UTRN: variants seen among roughly 807,000 people sequenced by gnomAD.
UTRN encodes the protein utrophin.
UTRN carries 283 observed loss-of-function variants against 463.9 expected under a neutral mutation model. The ratio of observed to expected loss-of-function variants is 0.61; its 90% CI spans 0.55 to 0.67. The LOEUF is 0.67. UTRN is among the 30% of genes least tolerant of loss of function. The pLI is 0.00. For synonymous variants in UTRN, 1,442 were observed against 1,431.5 expected (o/e 1.01, Z -0.17); for missense variants, 3,922 against 4,084.3 (o/e 0.96, Z 1.08).
chr6:144,509,731 T>TA (rs2128589812), intron 34 of UTRN, among the ~76,000 whole-genome samples: 1 of 152,300 alleles, frequency 6.6e-6, no homozygotes, highest in East Asian at 1.9e-4. Flanking sequence ...AAATAAATAA[T>TA]ATTTTCATTT....
chr6:144,514,148 A>T, intron 36 of UTRN, 111 bp downstream of exon 36: 2 of 1,392,254 alleles, frequency 1.4e-6, no homozygotes, highest in Non-Finnish European at 2.0e-6. Context: ...CAAGCATTAG[A>T]TTCATTAACA....
At chr6:144,389,239 C>A (rs999159498) in intron 2 of UTRN, among the ~76,000 whole-genome samples, 1 of 152,196 alleles carries the variant, frequency 6.6e-6, no homozygotes, top group Non-Finnish European at 1.5e-5. Context: ...ATCTGATTAG[C>A]CTCTCCGAAG....
At chr6:144,449,931 T>G (rs1788086203) in intron 17 of UTRN, among the ~76,000 whole-genome samples, 1 of 152,128 alleles carries the variant, frequency 6.6e-6, no homozygotes. Context: ...AGTGTATACT[T>G]TTTAGGGTGC....
chr6:144,815,500 A>G (rs1166513188), intron 65 of UTRN, among the ~76,000 whole-genome samples: 1 of 152,236 alleles, frequency 6.6e-6, no homozygotes, highest in African/African-American at 2.4e-5. Context: ...TCAAAAGTAG[A>G]GAAGCCGACA....
chr6:144,759,152 T>C (rs1015671466), intron 58 of UTRN, among the ~76,000 whole-genome samples: 1 of 152,086 alleles, frequency 6.6e-6, no homozygotes, highest in African/African-American at 2.4e-5. Flanking sequence ...TATGGGAGTT[T>C]AATATTTTTA....
intron 41 of UTRN, among the ~76,000 whole-genome samples, chr6:144,525,531 C>T (rs1796494074): frequency 6.6e-6 from 1 of 152,064 alleles, no homozygotes; most frequent in Non-Finnish European, 1.5e-5. Context: ...TGTAATATCA[C>T]CCATTTTGTT....
chr6:144,805,529 AG>A (rs1778073824), intron 65 of UTRN, among the ~76,000 whole-genome samples: 1 of 152,182 alleles, frequency 6.6e-6, no homozygotes, highest in Non-Finnish European at 1.5e-5. Context: ...GTTGGGAAAA[AG>A]GTTAGCGTGA....
intron 53 of UTRN, among the ~76,000 whole-genome samples, chr6:144,723,601 A>G (rs1378535548): frequency 2.6e-5 from 4 of 152,230 alleles, no homozygotes; most frequent in Admixed American, 6.5e-5. Context: ...AGGAATAGGA[A>G]GTGCTCTAGA....
chr6:144,288,577 C>T (rs544657671), intron 1 of UTRN, among the ~76,000 whole-genome samples: 3 of 149,742 alleles, frequency 2.0e-5, no homozygotes, highest in African/African-American at 5.1e-5. Flanking sequence ...ATAAAATACA[C>T]TTAAGAATTT....
At chr6:144,472,312 CTT>C (rs760604326) in intron 23 of UTRN, among the ~76,000 whole-genome samples, 115 of 134,798 alleles carry the variant, frequency 8.5e-4, no homozygotes, top group Admixed American at 9.0e-4. Flanking sequence ...ACTTTCTTTT[CTT>C]TTTTTTTTTT....
chr6:144,499,425 A>G lies in UTRN; in HGVS notation c.4762A>G (p.Lys1588Glu), dbSNP rs773717411. 4 of 1,605,616 alleles carry G rather than the reference A, an allele frequency of 2.5e-6. No individual in the cohort carries two copies. Among genetic ancestry groups the G allele is most frequent in the African/African-American group, 2.7e-5 (2 of 74,796 alleles). ...GDLDTEISWA[K>E]NVLKDLEKRK... Reference sequence around the variant, plus strand: ...CTTGGATACAGAAATTTCCTGGGCTAAAGTAAGTTGCAGTTCAGATGAAAC... The same window carrying G: ...CTTGGATACAGAAATTTCCTGGGCTGAAGTAAGTTGCAGTTCAGATGAAAC... Residue 1588 changes from lysine (K) to glutamate (E), a missense_variant and splice_region_variant, in exon 34 of 75, where the codon AAA (lysine) becomes GAA (glutamate). Physicochemically the swap from Lys to Glu is moderately conservative, Grantham distance 56. Around this residue, in one of 3 missense-constraint regions of UTRN, gnomAD observed 2,349 missense variants for 2,303.8 expected, o/e 1.02. Coordinates refer to ENST00000367545, the MANE Select transcript of UTRN (RefSeq NM_007124.3).
intron 16 of UTRN, among the ~76,000 whole-genome samples, chr6:144,448,327 T>C (rs944946432): frequency 3.3e-5 from 5 of 152,170 alleles, no homozygotes; most frequent in Non-Finnish European, 7.4e-5. Flanking sequence ...TCATAGGAAA[T>C]GTCCACAAGG....
chr6:144,813,359 T>C (rs1291578818), intron 65 of UTRN, among the ~76,000 whole-genome samples: 1 of 152,032 alleles, frequency 6.6e-6, no homozygotes, highest in East Asian at 1.9e-4. Flanking sequence ...CAGCTAATTT[T>C]TGCATTTTTA....
At chr6:144,323,530 T>C (rs1033464273) in intron 2 of UTRN, among the ~76,000 whole-genome samples, 8 of 152,254 alleles carry the variant, frequency 5.3e-5, no homozygotes, top group African/African-American at 1.9e-4. Flanking sequence ...ACAACATTAA[T>C]ATTTATTTTG....
chr6:144,598,031 A>G (rs1396119645), intron 51 of UTRN, among the ~76,000 whole-genome samples: 2 of 152,222 alleles, frequency 1.3e-5, no homozygotes, highest in Non-Finnish European at 2.9e-5. Flanking sequence ...TGAAAATTAT[A>G]TGGAACAACA....
chr6:144,294,657 G>A (rs75708806), intron 2 of UTRN, among the ~76,000 whole-genome samples: 1,779 of 152,112 alleles, frequency 0.012, 37 homozygotes, highest in African/African-American at 0.041. Flanking sequence ...CCAAATCCTC[G>A]AGTTTGGACA....
intron 65 of UTRN, among the ~76,000 whole-genome samples, chr6:144,809,305 C>T (rs1778409752): frequency 6.6e-6 from 1 of 152,116 alleles, no homozygotes; most frequent in Non-Finnish European, 1.5e-5. Context: ...CACTAGAGTG[C>T]AGCTGAGGTT....
At chr6:144,792,623 CAATA>C (rs1319775657) in intron 62 of UTRN, among the ~76,000 whole-genome samples, 2 of 151,776 alleles carry the variant, frequency 1.3e-5, no homozygotes, top group African/African-American at 4.8e-5. Flanking sequence ...TTTTAGAATC[CAATA>C]AATATTTACT....
intron 6 of UTRN, among the ~76,000 whole-genome samples, chr6:144,425,992 T>C (rs1015046647): frequency 6.6e-5 from 10 of 152,322 alleles, no homozygotes; most frequent in Admixed American, 3.9e-4. Flanking sequence ...TCTATGACTG[T>C]GAAAGTTATG....
Sources: allele counts gnomAD v4.1 joint callset (sites outside exome capture counted in the v4.1 genomes callset), GRCh38; gene constraint gnomAD v4.1.1; regional missense constraint gnomAD v4.1.1; transcripts MANE v1.5; gene names NCBI Gene and HGNC (gene_info 2026-07-23, HGNC 2026-07-21).